Variants in TRHDE observed in about 807,000 individuals in gnomAD.
TRHDE encodes thyrotropin releasing hormone degrading enzyme.
TRHDE carries 72 observed loss-of-function variants against 125.7 expected under a neutral mutation model. That is an observed-to-expected ratio of 0.57 (90% CI 0.47 to 0.70). TRHDE has a LOEUF of 0.70. Among genes scored for constraint, TRHDE ranks in the 30% least tolerant of loss-of-function variants. The probability of loss-of-function intolerance (pLI) is 0.00; values close to 1 mark genes in which losing one functional copy is unlikely to be tolerated. For missense variants in TRHDE, 1,110 were observed against 1,327.1 expected (o/e 0.84, Z 2.54); for synonymous variants, 509 against 509.1 (o/e 1.00, Z 0.00).
intron 2 of TRHDE, among the ~76,000 whole-genome samples, chr12:72,170,133 G>T (rs1301853856): frequency 2.0e-5 from 3 of 152,142 alleles, no homozygotes; most frequent in African/African-American, 7.2e-5. Flanking sequence ...CTGGCATAAG[G>T]TGTTAAGGCT....
intron 13 of TRHDE, among the ~76,000 whole-genome samples, chr12:72,620,781 AT>A (rs1338389250): frequency 6.6e-6 from 1 of 152,118 alleles, no homozygotes; most frequent in Non-Finnish European, 1.5e-5. Flanking sequence ...ATTTGTACAT[AT>A]GTACGCATAG....
At chr12:72,113,077 G>C (rs190787892) in intron 2 of TRHDE, among the ~76,000 whole-genome samples, 17 of 152,238 alleles carry the variant, frequency 1.1e-4, no homozygotes, top group Admixed American at 2.0e-4. Flanking sequence ...GAGAGCAGTG[G>C]TGTGATCATG....
At chr12:72,199,298 A>G (rs896436922) in intron 2 of TRHDE, among the ~76,000 whole-genome samples, 1 of 152,308 alleles carries the variant, frequency 6.6e-6, no homozygotes, top group Admixed American at 6.5e-5. Flanking sequence ...CAGCTTAAAT[A>G]TTCACTGGAC....
intron 1 of TRHDE, among the ~76,000 whole-genome samples, chr12:72,096,844 T>G (rs1028093755): frequency 6.6e-6 from 1 of 152,338 alleles, no homozygotes; most frequent in South Asian, 2.1e-4. Flanking sequence ...ACCTCCCTGC[T>G]TGATTTTCCT....
intron 6 of TRHDE, among the ~76,000 whole-genome samples, chr12:72,531,951 C>A (rs1056952491): frequency 6.6e-6 from 1 of 152,016 alleles, no homozygotes; most frequent in Non-Finnish European, 1.5e-5. Context: ...CTTTGCTAAT[C>A]CATGTGAATT....
chr12:72,461,669 A>C (rs775384700), intron 3 of TRHDE, among the ~76,000 whole-genome samples: 47 of 151,996 alleles, frequency 3.1e-4, no homozygotes, highest in Non-Finnish European at 5.7e-4. Context: ...CCTGGATGAT[A>C]ATATGAGCAT....
chr12:72,187,465 GGTGGTTGTGGTC>G (rs895019024), intron 2 of TRHDE, among the ~76,000 whole-genome samples: 4 of 145,968 alleles, frequency 2.7e-5, no homozygotes, highest in African/African-American at 1.0e-4. Context: ...TGGTGGTGGT[GGTGGTTGTGGTC>G]GTGGTGGTGG....
chr12:72,339,978 A>C (rs1000226915), intron 2 of TRHDE, among the ~76,000 whole-genome samples: 6 of 152,330 alleles, frequency 3.9e-5, no homozygotes, highest in African/African-American at 1.4e-4. Context: ...GACAACACTG[A>C]AGAAACTTCA....
At chr12:72,372,437 T>C (rs1034923187) in intron 2 of TRHDE, among the ~76,000 whole-genome samples, 2 of 152,232 alleles carry the variant, frequency 1.3e-5, no homozygotes, top group South Asian at 2.1e-4. Flanking sequence ...CCATTGCTTT[T>C]GGTGTTTTAG....
intron 6 of TRHDE, among the ~76,000 whole-genome samples, chr12:72,523,088 A>T (rs1868275010): frequency 6.6e-6 from 1 of 152,108 alleles, no homozygotes. Flanking sequence ...TGTTGTAGGC[A>T]GAAGCCATGA....
chr12:72,447,083 G>A (rs1339397872), intron 3 of TRHDE, among the ~76,000 whole-genome samples: 7 of 151,990 alleles, frequency 4.6e-5, no homozygotes, highest in South Asian at 2.1e-4. Flanking sequence ...GCACTGCATC[G>A]CACTTATTCC....
intron 18 of TRHDE, among the ~76,000 whole-genome samples, chr12:72,659,983 G>A (rs938531259): frequency 3.3e-5 from 5 of 151,952 alleles, no homozygotes; most frequent in South Asian, 2.1e-4. Flanking sequence ...TGAGGAGACC[G>A]GTGGTGGCCC....
intron 2 of TRHDE, among the ~76,000 whole-genome samples, chr12:72,240,030 G>C (rs1399832748): frequency 6.6e-6 from 1 of 152,056 alleles, no homozygotes; most frequent in South Asian, 2.1e-4. Context: ...CGTGTGTTCT[G>C]TTCTCCAAAA....
At chr12:72,167,227 A>C (rs944287741) in intron 2 of TRHDE, among the ~76,000 whole-genome samples, 1 of 152,144 alleles carries the variant, frequency 6.6e-6, no homozygotes, top group Admixed American at 6.5e-5. Context: ...CTATGGTAGC[A>C]CAGGTGGATT....
At chr12:72,260,078 G>A (rs1367788415) in intron 2 of TRHDE, among the ~76,000 whole-genome samples, 3 of 152,146 alleles carry the variant, frequency 2.0e-5, no homozygotes, top group African/African-American at 7.2e-5. Context: ...GCACGTTGCT[G>A]TATAGGAAGG....
intron 5 of TRHDE, among the ~76,000 whole-genome samples, chr12:72,487,237 T>C (rs1397922104): frequency 2.0e-5 from 3 of 152,100 alleles, no homozygotes; most frequent in East Asian, 3.8e-4. Flanking sequence ...TTTAATGAAA[T>C]AATTGCTGAA....
intron 2 of TRHDE, chr12:72,257,338 A>C (rs892872126): frequency 7.2e-5 from 11 of 152,198 alleles, no homozygotes; most frequent in African/African-American, 2.7e-4. Flanking sequence ...ACTATTAAAA[A>C]TATTATATTA....
intron 17 of TRHDE, among the ~76,000 whole-genome samples, chr12:72,654,882 A>T (rs1874645655): frequency 6.6e-6 from 1 of 152,050 alleles, no homozygotes; most frequent in East Asian, 1.9e-4. Flanking sequence ...ATATAAACAC[A>T]CTTTAGCCTC....
rs1209611645 is a variant in TRHDE, at chr12:72,316,560, C to T, written c.1188+29606C>T. On this transcript the variant is annotated intron_variant, in intron 2 of 18. Transcript: ENST00000261180. Reference sequence around the variant, plus strand: ...CTTAGTCACAAACTCCACCTCATTCCGAAAGGAAAGTGCTGTCCTGCCTTT... The same window carrying T: ...CTTAGTCACAAACTCCACCTCATTCTGAAAGGAAAGTGCTGTCCTGCCTTT... Among the ~76,000 whole-genome samples, 6 of 152,118 alleles carry T rather than the reference C, an allele frequency of 3.9e-5. No individual in the cohort carries two copies. In the East Asian group the frequency reaches 1.2e-3, roughly 29 times the overall value.
Sources: gnomAD v4.1 joint callset for allele counts (sites outside exome capture counted in the v4.1 genomes callset) on GRCh38, gnomAD v4.1.1 for gene constraint, MANE v1.5 for transcripts, NCBI Gene and HGNC (gene_info 2026-07-23, HGNC 2026-07-21) for gene names.